The following CYP2S1 variants were observed in gnomAD, a reference collection of about 807,000 sequenced individuals.
CYP2S1 encodes cytochrome P450 2S1.
CYP2S1 carries 32 observed loss-of-function variants against 43.5 expected under a neutral mutation model. The ratio of observed to expected loss-of-function variants is 0.74; its 90% CI spans 0.56 to 0.99. CYP2S1 has a LOEUF of 0.99. Among genes scored for constraint, CYP2S1 ranks in the 50% least tolerant of loss-of-function variants. The pLI is 0.00. For synonymous variants in CYP2S1, 283 were observed against 302.9 expected (o/e 0.93, Z 0.68); for missense variants, 575 against 673.9 (o/e 0.85, Z 1.62).
In CYP2S1 at chr19:41,203,567, C is replaced by A. The variant is rs765253772; in HGVS notation, c.1094C>A (p.Ala365Glu). The change falls in exon 7 of 9, where the codon GCG becomes GAG. Residue 365 changes from alanine to glutamate, a missense_variant. Physicochemically the swap from Ala to Glu is moderately radical, Grantham distance 107 (BLOSUM62 -1). Coordinates refer to ENST00000310054, the MANE Select transcript of CYP2S1 (RefSeq NM_030622.8). Reference sequence around the variant, plus strand: ...CTGCATGAGGCGCAGCGGCTGCTGGCGCTGGTGCCCATGGGAATACCCCGC... The same window carrying A: ...CTGCATGAGGCGCAGCGGCTGCTGGAGCTGGTGCCCATGGGAATACCCCGC... ...AVLHEAQRLL[A>E]LVPMGIPRTL... is the part of the protein sequence containing the mutation. 2 of 1,572,408 alleles carry A rather than the reference C, an allele frequency of 1.3e-6. No homozygotes were observed. Among genetic ancestry groups the A allele is most frequent in the South Asian group, 2.3e-5 (2 of 85,912 alleles).
chr19:41,203,672 T>C, intron 7 of CYP2S1, 35 bp downstream of exon 7: 1 of 1,482,582 alleles, frequency 6.7e-7, no homozygotes, highest in South Asian at 1.3e-5. Flanking sequence ...CATGGTTCTC[T>C]GCCTCGGGGC....
intron 6 of CYP2S1, among the ~76,000 whole-genome samples, chr19:41,202,038 G>A (rs1568401433): frequency 6.6e-6 from 1 of 152,074 alleles, no homozygotes; most frequent in Non-Finnish European, 1.5e-5. Context: ...CCAGGCTGGA[G>A]TGCAGTAGTG....
At chr19:41,204,499 A>G (rs772899945) in intron 7 of CYP2S1, among the ~76,000 whole-genome samples, 9 of 152,050 alleles carry the variant, frequency 5.9e-5, no homozygotes, top group Non-Finnish European at 1.3e-4. Flanking sequence ...CAGTTTATGC[A>G]AGCAGCTCCC....
In CYP2S1 at chr19:41,198,859, G is replaced by GT. The variant is rs1412521402; in HGVS notation, c.806dup (p.Asp270ArgfsTer61). On this transcript the variant is annotated frameshift_variant, in exon 5 of 9. Transcript: ENST00000310054. LOFTEE classifies it high-confidence loss of function. The surrounding 1 kb of genome is among the most constrained non-coding windows in gnomAD (Gnocchi z 4.9). ...TGCTTCGGGCCCCGCACGTGACCTT[G>GT]TCGATGCCTTCCTGCTGAAGATGGC... The GT allele has an allele frequency of 6.8e-6, 11 of 1,613,560 alleles. No homozygotes were observed. Among genetic ancestry groups the GT allele is most frequent in the Non-Finnish European group, 9.3e-6 (11 of 1,179,672 alleles).
chr19:41,193,395 A>G lies in CYP2S1; in HGVS notation c.131A>G (p.Asn44Ser), dbSNP rs1160676940. 2 of 1,518,050 alleles carry G rather than the reference A, an allele frequency of 1.3e-6. No individual in the cohort carries two copies. Among genetic ancestry groups the G allele is most frequent in the Non-Finnish European group, 1.8e-6 (2 of 1,130,836 alleles). 94.0% of individuals were successfully genotyped at this position (1,518,050 alleles called of 1,614,324 possible). A position where few individuals can be genotyped will look rare whatever the true frequency, so the allele number is the denominator to read the frequency against. ...CCCACGCCGCTACCACTGCTGGGAA[A>G]CCTCCTGCAGCTACGGCCCGGGGCG... is the stretch of plus-strand genomic sequence containing the variant. ...PGPTPLPLLG[N>S]LLQLRPGALY... Residue 44 changes from asparagine (N) to serine (S), a missense_variant, in exon 1 of 9, where the codon AAC (asparagine) becomes AGC (serine). Asn to Ser is a conservative substitution (Grantham distance 46, BLOSUM62 1). Transcript: ENST00000310054.
At chr19:41,193,760 GA>G (rs2033372828) in intron 1 of CYP2S1, 1 of 282,066 alleles carries the variant, frequency 3.5e-6, no homozygotes, top group South Asian at 1.5e-4. Context: ...CAGCCGAGGA[GA>G]AGCTGATGCA....
intron 7 of CYP2S1, among the ~76,000 whole-genome samples, chr19:41,204,184 TTTC>T (rs1480617523): frequency 4.6e-5 from 7 of 152,248 alleles, no homozygotes; most frequent in Non-Finnish European, 8.8e-5. Flanking sequence ...CTTTTAACTC[TTTC>T]TGTTTCTTTT....
At chr19:41,197,168 C>T (rs772995067) in intron 2 of CYP2S1, among the ~76,000 whole-genome samples, 24 of 152,010 alleles carry the variant, frequency 1.6e-4, no homozygotes, top group Admixed American at 3.3e-4. Context: ...GCACTCCAGC[C>T]TGGGTGACAA....
chr19:41,206,345 C>G lies in CYP2S1; in HGVS notation c.1372C>G (p.Leu458Val). The change falls in exon 9 of 9, where the codon CTA becomes GTA. Residue 458 changes from leucine (L) to valine (V), a missense_variant. By Grantham distance (32) the Leu-to-Val change is conservative. Coordinates refer to ENST00000310054, the MANE Select transcript of CYP2S1 (RefSeq NM_030622.8). ...AELFLFFTTI[L>V]QAFSLESPCP... Reference sequence around the variant, plus strand: ...GCTCTTCCTCTTCTTCACCACCATCCTACAAGCCTTCTCCCTGGAGAGCCC... The same window carrying G: ...GCTCTTCCTCTTCTTCACCACCATCGTACAAGCCTTCTCCCTGGAGAGCCC... 6.2e-7 allele frequency: 1 copy of G among 1,614,148 alleles called. No homozygotes were observed. The highest frequency in any genetic ancestry group is 8.5e-7 in the Non-Finnish European group (1 of 1,180,024).
intron 6 of CYP2S1, among the ~76,000 whole-genome samples, chr19:41,202,015 C>G (rs1373260096): frequency 2.6e-5 from 4 of 152,042 alleles, no homozygotes; most frequent in African/African-American, 9.7e-5. Flanking sequence ...GGGATAGACT[C>G]TCACTCTGTT....
At chr19:41,199,534 C>A (rs986714980) in intron 5 of CYP2S1, among the ~76,000 whole-genome samples, 7 of 151,284 alleles carry the variant, frequency 4.6e-5, no homozygotes, top group African/African-American at 1.7e-4. Context: ...GTGTGCACCA[C>A]CACACCTGGC....
chr19:41,193,287 C>T lies in CYP2S1; in HGVS notation c.23C>T (p.Ala8Val), dbSNP rs976154000. 1.9e-5 allele frequency: 29 copies of T among 1,541,084 alleles called. 1 individual carries two copies. The African/African-American group carries it at 3.5e-4, about 18-fold the overall frequency. The change falls in exon 1 of 9, where the codon GCG (alanine) becomes GTG (valine). Residue 8 changes from alanine (A) to valine (V), a missense_variant. Coordinates refer to ENST00000310054, the MANE Select transcript of CYP2S1 (RefSeq NM_030622.8). ...GAGATGGAGGCGACCGGCACCTGGG[C>T]GCTGCTGCTGGCGCTGGCGCTGCTC... MEATGTWALLLALALLLL... is the reference protein window; with the variant it reads MEATGTWVLLLALALLLL...
At chr19:41,202,710 A>G (rs576680775) in intron 6 of CYP2S1, among the ~76,000 whole-genome samples, 1 of 152,000 alleles carries the variant, frequency 6.6e-6, no homozygotes, top group South Asian at 2.1e-4. Context: ...GGATCACCTG[A>G]GCCCAGGAGG....
At chr19:41,194,515 CCCT>C (rs1380472515) in intron 1 of CYP2S1, 26 bp from the exon 2 acceptor site, 1 of 1,549,932 alleles carries the variant, frequency 6.5e-7, no homozygotes. Flanking sequence ...GGTCACAGCA[CCCT>C]CCTCTTTCTT....
Position 41,205,997 on chromosome 19 carries a change from G to GC in CYP2S1, c.1204_1205insC (p.Asp402AlafsTer27). 6.2e-7 allele frequency: 1 copy of GC among 1,614,046 alleles called. No homozygotes were observed. Among genetic ancestry groups the GC allele is most frequent in the South Asian group, 1.1e-5 (1 of 91,078 alleles). On this transcript the variant is annotated frameshift_variant, in exon 8 of 9. Coordinates refer to ENST00000310054, the MANE Select transcript of CYP2S1 (RefSeq NM_030622.8). LOFTEE classifies it high-confidence loss of function. ...CCCCCTCCTTGGCTCCATCCTGCATGACCCCAACATCTTCAAGCACCCAGA... is the reference window on the plus strand; with the variant it reads ...CCCCCTCCTTGGCTCCATCCTGCATGCACCCCAACATCTTCAAGCACCCAGA...
intron 5 of CYP2S1, among the ~76,000 whole-genome samples, chr19:41,199,825 C>G (rs1231068840): frequency 6.6e-6 from 1 of 151,874 alleles, no homozygotes. Context: ...ACAAAATTAG[C>G]CGGACGTGGT....
chr19:41,193,769 G>T (rs1233041245), intron 1 of CYP2S1: 3 of 259,946 alleles, frequency 1.2e-5, no homozygotes, highest in Non-Finnish European at 2.1e-5. Context: ...AGAAGCTGAT[G>T]CAGCTGGGCT....
At chr19:41,197,701 A>G (rs2033430538) in intron 2 of CYP2S1, 78 bp from the exon 3 acceptor site, 3 of 1,543,816 alleles carry the variant, frequency 1.9e-6, no homozygotes, top group South Asian at 2.4e-5. Flanking sequence ...TTCCGTCTCA[A>G]AAAAAAAAAG....
At chr19:41,194,356 A>T (rs527326617) in intron 1 of CYP2S1, among the ~76,000 whole-genome samples, 188 bp from the exon 2 acceptor site, 2 of 152,042 alleles carry the variant, frequency 1.3e-5, no homozygotes, top group East Asian at 3.9e-4. Context: ...GTACTGGGGG[A>T]GGAGGCCCGG....
Sources: gnomAD v4.1 joint callset for allele counts (sites outside exome capture counted in the v4.1 genomes callset) on GRCh38, gnomAD v4.1.1 for gene constraint, Gnocchi (gnomAD v3.1) non-coding constraint, MANE v1.5 for transcripts, NCBI Gene and HGNC (gene_info 2026-07-23, HGNC 2026-07-21) for gene names.